The following NELL1 variants were observed in gnomAD, a reference collection of about 807,000 sequenced individuals.
NELL1 encodes neural EGFL like 1.
A neutral mutation model predicts 107.4 loss-of-function variants in NELL1; 76 were observed. The observed-to-expected ratio is 0.71, with a 90% confidence interval of 0.59 to 0.86. The LOEUF (loss-of-function observed/expected upper bound fraction) is 0.86. Ranked by LOEUF, NELL1 falls within the 40% of genes least tolerant of loss-of-function variation. The pLI is 0.00. For synonymous variants in NELL1, 353 were observed against 341.2 expected (o/e 1.03, Z -0.38); for missense variants, 1,024 against 1,005.5 (o/e 1.02, Z -0.25).
At chr11:21,481,593 T>C (rs1196669555) in intron 15 of NELL1, among the ~76,000 whole-genome samples, 4 of 152,188 alleles carry the variant, frequency 2.6e-5, no homozygotes, top group Admixed American at 2.0e-4. Flanking sequence ...AGAATAGATA[T>C]TAAAGCTGGA....
chr11:20,900,711 A>T (rs1324423766), intron 5 of NELL1, among the ~76,000 whole-genome samples: 4 of 152,178 alleles, frequency 2.6e-5, no homozygotes, highest in African/African-American at 9.6e-5. Flanking sequence ...AGATTAAAAA[A>T]TTTAAACAAA....
At chr11:21,180,106 G>T (rs982189985) in intron 13 of NELL1, among the ~76,000 whole-genome samples, 4 of 151,474 alleles carry the variant, frequency 2.6e-5, no homozygotes, top group African/African-American at 9.8e-5. Flanking sequence ...TGCCCCCCAT[G>T]CCATAGTTTG....
intron 2 of NELL1, among the ~76,000 whole-genome samples, chr11:20,729,779 C>G (rs1227167520): frequency 6.6e-5 from 10 of 152,128 alleles, no homozygotes; most frequent in Non-Finnish European, 1.5e-5. Context: ...GAGAGAATAA[C>G]TGTGAGTCAC....
chr11:20,814,218 TCTC>T (rs1329555704), intron 3 of NELL1, among the ~76,000 whole-genome samples: 1 of 152,096 alleles, frequency 6.6e-6, no homozygotes, highest in Non-Finnish European at 1.5e-5. Context: ...ATGGTCTCGA[TCTC>T]CTGACCTCGT....
chr11:21,394,444 A>G lies in NELL1; in HGVS notation c.1645+23496A>G, dbSNP rs1410405151. ...TATATAGCCCTATATATGTGTGTAT[A>G]TATATGGCCGTGTGTGTGTGTGTTC... On this transcript the variant is annotated intron_variant, in intron 15 of 19. Coordinates refer to ENST00000357134, the MANE Select transcript of NELL1 (RefSeq NM_006157.5). Among the ~76,000 whole-genome samples the G allele has an allele frequency of 2.0e-5, 3 of 151,450 alleles. No homozygotes were observed. In the East Asian group the frequency reaches 5.9e-4, roughly 30 times the overall value.
At chr11:21,491,159 C>T (rs1418977391) in intron 15 of NELL1, among the ~76,000 whole-genome samples, 5 of 152,118 alleles carry the variant, frequency 3.3e-5, no homozygotes, top group Non-Finnish European at 5.9e-5. Flanking sequence ...CCTGTTCACT[C>T]TGATGGTAGT....
intron 12 of NELL1, among the ~76,000 whole-genome samples, chr11:20,967,520 C>T (rs1325329910): frequency 2.6e-5 from 4 of 152,078 alleles, no homozygotes; most frequent in Non-Finnish European, 5.9e-5. Context: ...AGGGTACATC[C>T]ACTTAGTTGC....
intron 14 of NELL1, chr11:21,284,447 A>C (rs778415574): frequency 1.7e-5 from 8 of 458,016 alleles, no homozygotes; most frequent in Non-Finnish European, 3.1e-5. Flanking sequence ...GGCTGTGCAC[A>C]AGGTCAACAT....
At chr11:20,759,667 G>C (rs576339413) in intron 2 of NELL1, among the ~76,000 whole-genome samples, 1 of 152,314 alleles carries the variant, frequency 6.6e-6, no homozygotes, top group East Asian at 1.9e-4. Flanking sequence ...AGCTGCTGGA[G>C]GAGGTTTGTC....
intron 15 of NELL1, among the ~76,000 whole-genome samples, chr11:21,482,207 T>C (rs546958106): frequency 6.6e-6 from 1 of 152,334 alleles, no homozygotes; most frequent in South Asian, 2.1e-4. Context: ...ACACCAATTT[T>C]GCTGCAATTA....
chr11:21,125,143 G>T (rs1279382789), intron 13 of NELL1, among the ~76,000 whole-genome samples: 1 of 152,142 alleles, frequency 6.6e-6, no homozygotes, highest in African/African-American at 2.4e-5. Flanking sequence ...CCTCTCATAA[G>T]CTTTCTATGA....
chr11:21,386,520 G>A (rs368496256), intron 15 of NELL1, among the ~76,000 whole-genome samples: 6 of 151,902 alleles, frequency 3.9e-5, no homozygotes, highest in African/African-American at 7.2e-5. Flanking sequence ...GCCAGATATA[G>A]TATTTTCCTG....
intron 12 of NELL1, among the ~76,000 whole-genome samples, chr11:21,078,931 T>C (rs985074176): frequency 1.3e-5 from 2 of 151,942 alleles, no homozygotes; most frequent in African/African-American, 4.8e-5. Context: ...AATAAAATAT[T>C]AACTATATGG....
intron 14 of NELL1, among the ~76,000 whole-genome samples, chr11:21,304,722 T>C (rs1465898951): frequency 6.6e-6 from 1 of 152,012 alleles, no homozygotes; most frequent in Non-Finnish European, 1.5e-5. Context: ...AAAGAGTATA[T>C]ATCACCTAAT....
At chr11:21,298,088 T>C (rs1387809435) in intron 14 of NELL1, among the ~76,000 whole-genome samples, 3 of 152,058 alleles carry the variant, frequency 2.0e-5, no homozygotes, top group African/African-American at 7.2e-5. Context: ...ATTATGTTTT[T>C]AATCTATATG....
chr11:20,674,517 G>A (rs1034956853), intron 1 of NELL1: 38 of 1,535,942 alleles, frequency 2.5e-5, no homozygotes, highest in Admixed American at 7.8e-5. Context: ...CCGTGTTATC[G>A]CTGATATGGA....
At chr11:21,317,592 A>G (rs1378894630) in intron 14 of NELL1, among the ~76,000 whole-genome samples, 2 of 151,972 alleles carry the variant, frequency 1.3e-5, no homozygotes, top group Non-Finnish European at 2.9e-5. Flanking sequence ...AGGACAGCGC[A>G]GACCCTTCCT....
chr11:20,945,839 G>T (rs535631231), intron 10 of NELL1, among the ~76,000 whole-genome samples: 3 of 152,290 alleles, frequency 2.0e-5, no homozygotes, highest in South Asian at 4.1e-4. Context: ...AAGTGCAGTT[G>T]CAAAGTGGGG....
At chr11:20,901,981 T>C (rs1288463273) in intron 5 of NELL1, among the ~76,000 whole-genome samples, 1 of 152,122 alleles carries the variant, frequency 6.6e-6, no homozygotes, top group Non-Finnish European at 1.5e-5. Flanking sequence ...GCTTCAAATA[T>C]ATACCTGGAC....
Sources: gnomAD v4.1 joint callset for allele counts (sites outside exome capture counted in the v4.1 genomes callset) on GRCh38, gnomAD v4.1.1 for gene constraint, MANE v1.5 for transcripts, NCBI Gene and HGNC (gene_info 2026-07-23, HGNC 2026-07-21) for gene names.